Variants in MRE11 observed in about 807,000 individuals in gnomAD.
The protein encoded by MRE11 is double-strand break repair protein MRE11.
A neutral mutation model predicts 91.7 loss-of-function variants in MRE11; 62 were observed. The ratio of observed to expected loss-of-function variants is 0.68; its 90% CI spans 0.55 to 0.84. The LOEUF is 0.84. Among genes scored for constraint, MRE11 ranks in the 40% least tolerant of loss-of-function variants. The pLI is 0.00. For synonymous variants in MRE11, 273 were observed against 271.4 expected (o/e 1.01, Z -0.06); for missense variants, 796 against 852.9 (o/e 0.93, Z 0.83).
intron 5 of MRE11, 53 bp from the exon 6 acceptor site, chr11:94,478,929 G>C: frequency 6.4e-7 from 1 of 1,572,798 alleles, no homozygotes; most frequent in Non-Finnish European, 8.7e-7. Flanking sequence ...GTAGGTATCT[G>C]CATGAATATC....
At position 94,461,050 on chromosome 11, in the gene MRE11, A is replaced by G; in HGVS notation, c.1226-14T>C. 2 of 1,596,504 alleles carry G rather than the reference A, an allele frequency of 1.3e-6. No homozygotes were observed. The highest frequency in any genetic ancestry group is 1.7e-6 in the Non-Finnish European group (2 of 1,166,154). On this transcript the variant is annotated splice_polypyrimidine_tract_variant and intron_variant, in intron 11 of 19. Coordinates refer to ENST00000323929, the MANE Select transcript of MRE11 (RefSeq NM_005591.4). Reference sequence around the variant, plus strand: ...TGATCTCTTCTCCTAGAAAAAAAGAAGTATATCAAAAAATAGCTTCTATCA... The same window carrying G: ...TGATCTCTTCTCCTAGAAAAAAAGAGGTATATCAAAAAATAGCTTCTATCA...
chr11:94,450,877 T>C (rs1946081437), intron 14 of MRE11, among the ~76,000 whole-genome samples: 2 of 152,256 alleles, frequency 1.3e-5, no homozygotes, highest in African/African-American at 2.4e-5. Flanking sequence ...TGAATAAATA[T>C]AAGCACTGGT....
At chr11:94,482,132 A>G (rs901401180) in intron 4 of MRE11, among the ~76,000 whole-genome samples, 1 of 152,230 alleles carries the variant, frequency 6.6e-6, no homozygotes, top group African/African-American at 2.4e-5. Flanking sequence ...GCAACATGTT[A>G]AGAACAATGA....
Position 94,462,764 on chromosome 11 carries a change from C to T in MRE11, c.1225+1349G>A, listed in dbSNP as rs184775175. 5.4e-3 allele frequency among the ~76,000 whole-genome samples: 816 copies of T among 152,160 alleles called. 1 individual carries two copies. The highest frequency in any genetic ancestry group is 8.4e-3 in the Non-Finnish European group (568 of 67,982). On this transcript the variant is annotated intron_variant, in intron 11 of 19. Transcript: ENST00000323929. Reference sequence around the variant, plus strand: ...GAAACTGGATCCCTTCCTTACACCTCACACAAAAATTAATTCAAGATGGAT... The same window carrying T: ...GAAACTGGATCCCTTCCTTACACCTTACACAAAAATTAATTCAAGATGGAT...
At position 94,467,877 on chromosome 11, in the gene MRE11, T is replaced by G. The variant is rs1224864635; in HGVS notation, c.1034A>C (p.Glu345Ala). 1.2e-6 allele frequency: 2 copies of G among 1,613,552 alleles called. No individual in the cohort carries two copies. Among genetic ancestry groups the G allele is most frequent in the Non-Finnish European group, 1.7e-6 (2 of 1,179,762 alleles). ...FCLEKIEEML[E>A]NAERERLGNS... Reference sequence around the variant, plus strand: ...ACCCAGACGTTCCCGTTCAGCATTTTCAAGCATTTCTTCAATCTCAAAATT... The same window carrying G: ...ACCCAGACGTTCCCGTTCAGCATTTGCAAGCATTTCTTCAATCTCAAAATT... The change falls in exon 10 of 20, where the codon GAA becomes GCA. Residue 345 changes from glutamate to alanine, a missense_variant. Physicochemically the swap from Glu to Ala is moderately radical, Grantham distance 107. Transcript: ENST00000323929.
the MRE11 span, among the ~76,000 whole-genome samples, chr11:94,504,404 T>A: frequency 2.0e-5 from 3 of 152,246 alleles, no homozygotes; most frequent in Non-Finnish European, 4.4e-5. Flanking sequence ...TTTCACCAAT[T>A]CACTGGAATT....
At chr11:94,511,847 T>C in the MRE11 span, among the ~76,000 whole-genome samples, 1 of 152,250 alleles carries the variant, frequency 6.6e-6, no homozygotes, top group African/African-American at 2.4e-5. Context: ...TGAATTTTTC[T>C]ACTTGCTCTT....
intron 3 of MRE11, among the ~76,000 whole-genome samples, chr11:94,490,076 T>C (rs1458159357): frequency 6.6e-6 from 1 of 152,190 alleles, no homozygotes; most frequent in Non-Finnish European, 1.5e-5. Flanking sequence ...CTCTAACTGG[T>C]CTCCAATTCA....
chr11:94,463,387 C>A (rs578021174), intron 11 of MRE11, among the ~76,000 whole-genome samples: 1 of 152,046 alleles, frequency 6.6e-6, no homozygotes, highest in Non-Finnish European at 1.5e-5. Context: ...TCCTCAAGGA[C>A]CTAGAACTAG....
chr11:94,424,362 T>G (rs1945253184), intron 19 of MRE11, among the ~76,000 whole-genome samples: 1 of 152,170 alleles, frequency 6.6e-6, no homozygotes, highest in Non-Finnish European at 1.5e-5. Flanking sequence ...CAGTTGACTA[T>G]ACTCGACTTA....
At chr11:94,503,595 CAGG>C in the MRE11 span, among the ~76,000 whole-genome samples, 1 of 151,462 alleles carries the variant, frequency 6.6e-6, no homozygotes, top group Non-Finnish European at 1.5e-5. Context: ...GAGGCTGAGG[CAGG>C]AGAATTGCTT....
chr11:94,451,152 G>A (rs1029428216), intron 14 of MRE11, among the ~76,000 whole-genome samples: 2 of 151,600 alleles, frequency 1.3e-5, no homozygotes, highest in Non-Finnish European at 2.9e-5. Context: ...AGCTGGGAGT[G>A]GTAGCACACT....
chr11:94,420,290 T>A (rs1945136264), intron 19 of MRE11, 109 bp from the exon 20 acceptor site: 2 of 800,114 alleles, frequency 2.5e-6, no homozygotes, highest in African/African-American at 1.7e-5. Flanking sequence ...TCACATGGGA[T>A]AGACTTTATT....
At chr11:94,496,903 G>A (rs746307275), upstream of MRE11, 14 of 1,613,444 alleles carry the variant, frequency 8.7e-6, no homozygotes, top group African/African-American at 1.3e-5. Context: ...AAAAAAAAAT[G>A]GAAAAAGACC....
At chr11:94,477,034 G>C (rs974417286) in intron 6 of MRE11, among the ~76,000 whole-genome samples, 2 of 152,110 alleles carry the variant, frequency 1.3e-5, no homozygotes, top group Admixed American at 6.5e-5. Context: ...CCAGGTTCTT[G>C]ATAACAGTAG....
chr11:94,423,674 T>C (rs1456574365), intron 19 of MRE11, among the ~76,000 whole-genome samples: 3 of 152,206 alleles, frequency 2.0e-5, no homozygotes, highest in Non-Finnish European at 2.9e-5. Context: ...CTGCCTAGCC[T>C]TGTTTTTTGC....
upstream of MRE11, chr11:94,498,692 G>A: frequency 3.1e-6 from 2 of 637,322 alleles, no homozygotes; most frequent in Non-Finnish European, 5.4e-6. Flanking sequence ...ATGTCAAAAT[G>A]TATTTGAAAG....
At chr11:94,449,050 T>A in intron 14 of MRE11, among the ~76,000 whole-genome samples, 1 of 152,142 alleles carries the variant, frequency 6.6e-6, no homozygotes, top group East Asian at 1.9e-4. Context: ...CAAGAAGACA[T>A]GATAACAGTC....
At chr11:94,452,922 C>T (rs1009960245) in intron 14 of MRE11, among the ~76,000 whole-genome samples, 1 of 152,142 alleles carries the variant, frequency 6.6e-6, no homozygotes, top group East Asian at 1.9e-4. Flanking sequence ...ATCATCCCCC[C>T]ATCCATCTAT....
Sources: gnomAD v4.1 joint callset for allele counts (sites outside exome capture counted in the v4.1 genomes callset) on GRCh38, gnomAD v4.1.1 for gene constraint, MANE v1.5 for transcripts, NCBI Gene and HGNC (gene_info 2026-07-23, HGNC 2026-07-21) for gene names.